The following SAXO1 variants were observed in gnomAD, a reference collection of about 807,000 sequenced individuals.
SAXO1 encodes the protein stabilizer of axonemal microtubules 1, also known as 4930500O09Rik.
In SAXO1, 21 loss-of-function variants were observed where a neutral mutation model predicts 17.5. The observed-to-expected ratio is 1.20, with a 90% CI of 0.85 to 1.72. The LOEUF is 1.72. Among genes scored for constraint, SAXO1 ranks in the 40% most tolerant of loss-of-function variants. The probability of loss-of-function intolerance (pLI) is 0.00; values close to 1 mark genes in which losing one functional copy is unlikely to be tolerated. For missense variants in SAXO1, 843 were observed against 596.0 expected, an observed-to-expected ratio of 1.41 and a Z score of -4.32; for synonymous variants, 274 against 216.5, an observed-to-expected ratio of 1.27 and a Z score of -2.33.
intron 1 of SAXO1, among the ~76,000 whole-genome samples, chr9:19,011,939 A>G (rs7048386): frequency 0.55 from 83,160 of 150,236 alleles, 23,514 homozygotes; most frequent in Non-Finnish European, 0.63. Context: ...TCTGCCTCCC[A>G]GGTTCAAGCA....
rs191924036 is a variant in SAXO1 at position 18,993,242 on chromosome 9, G to T, written c.38+39629C>A. Among the ~76,000 whole-genome samples, 4 of 152,072 alleles carry T rather than the reference G, an allele frequency of 2.6e-5. No homozygotes were observed. In the East Asian group the frequency reaches 7.7e-4, roughly 29 times the overall value. ...AGGTTTTAAGCCCCGCATGCATTAG[G>T]TATTTGTCCTAATGCTCTCCCTCCC... On this transcript the variant is annotated intron_variant, in intron 1 of 3. Transcript: ENST00000380534.
At chr9:19,048,774 G>T (rs759049574) in intron 1 of SAXO1, among the ~76,000 whole-genome samples, 6 of 152,216 alleles carry the variant, frequency 3.9e-5, no homozygotes, top group Non-Finnish European at 7.3e-5. Flanking sequence ...TGTGAGGATG[G>T]AACTAATGCC....
At chr9:18,943,539 A>T (rs1290917429) in intron 2 of SAXO1, among the ~76,000 whole-genome samples, 1 of 152,200 alleles carries the variant, frequency 6.6e-6, no homozygotes, top group Non-Finnish European at 1.5e-5. Flanking sequence ...AGAAAACTCC[A>T]TCTGAAAACC....
At position 18,929,069 on chromosome 9, in the gene SAXO1, A is replaced by T; in HGVS notation, c.422-14T>A. The T allele has an allele frequency of 6.2e-7, 1 of 1,611,250 alleles. No homozygotes were observed. Among genetic ancestry groups the T allele is most frequent in the Non-Finnish European group, 8.5e-7 (1 of 1,178,740 alleles). ...GCAAATAATCAGCTGAAATTAAAGCAGAAGAGGTAATTAATAATAAATCAA... is the reference window on the plus strand; with the variant it reads ...GCAAATAATCAGCTGAAATTAAAGCTGAAGAGGTAATTAATAATAAATCAA... On this transcript the variant is annotated splice_polypyrimidine_tract_variant and intron_variant, in intron 3 of 3. Transcript: ENST00000380534.
intron 1 of SAXO1, among the ~76,000 whole-genome samples, chr9:18,974,798 C>T (rs1255412025): frequency 6.6e-6 from 1 of 152,154 alleles, no homozygotes; most frequent in African/African-American, 2.4e-5. Context: ...TAAGCCATCA[C>T]CATTTGGCAA....
intron 1 of SAXO1, among the ~76,000 whole-genome samples, chr9:18,975,521 A>C (rs1833111463): frequency 6.6e-6 from 1 of 152,244 alleles, no homozygotes; most frequent in South Asian, 2.1e-4. Context: ...GAAGGTTTAG[A>C]GGATTTTTAA....
chr9:18,996,536 C>A (rs542400186), intron 1 of SAXO1, among the ~76,000 whole-genome samples: 5 of 152,260 alleles, frequency 3.3e-5, no homozygotes, highest in African/African-American at 9.6e-5. Flanking sequence ...CTTATGGAAC[C>A]ATCATCATAT....
In SAXO1 at chr9:19,027,125, C is replaced by T. The variant is rs773498364; in HGVS notation, c.38+5746G>A. The stretch of plus-strand genomic sequence containing the variant: ...TGGTGTACCTTGTCTCCAACATCAT[C>T]GAGCTCCTGGATGTTGATCCCAATG... On this transcript the variant is annotated intron_variant, in intron 1 of 3. Coordinates refer to ENST00000380534, the MANE Select transcript of SAXO1 (RefSeq NM_153707.4). The T allele has an allele frequency of 2.3e-4, 239 of 1,024,616 alleles. 1 individual carries two copies. Among genetic ancestry groups the T allele is most frequent in the Middle Eastern group, 1.1e-3 (5 of 4,632 alleles). 63.5% of individuals were successfully genotyped at this position (1,024,616 alleles called of 1,614,324 possible). A position where few individuals can be genotyped will look rare whatever the true frequency, so the allele number is the denominator to read the frequency against.
At chr9:18,994,556 C>A (rs1833931584) in intron 1 of SAXO1, among the ~76,000 whole-genome samples, 1 of 152,196 alleles carries the variant, frequency 6.6e-6, no homozygotes, top group Non-Finnish European at 1.5e-5. Flanking sequence ...GGTGTCACCA[C>A]TGAAGGATGT....
At chr9:18,953,692 ACCC>A (rs1832130592) in intron 1 of SAXO1, among the ~76,000 whole-genome samples, 1 of 152,134 alleles carries the variant, frequency 6.6e-6, no homozygotes, top group Admixed American at 6.6e-5. Context: ...GATCAACCCA[ACCC>A]TCATTAACCA....
chr9:18,984,305 C>T (rs1314885930), intron 1 of SAXO1, among the ~76,000 whole-genome samples: 1 of 152,234 alleles, frequency 6.6e-6, no homozygotes, highest in Non-Finnish European at 1.5e-5. Context: ...AAGTCACCAG[C>T]TACATTCGCC....
At chr9:18,987,931 C>T (rs1391486382) in intron 1 of SAXO1, among the ~76,000 whole-genome samples, 5 of 135,798 alleles carry the variant, frequency 3.7e-5, no homozygotes, top group African/African-American at 1.0e-4. Flanking sequence ...AAAAGAAAAC[C>T]AGCTCTTCCT....
intron 1 of SAXO1, among the ~76,000 whole-genome samples, chr9:19,044,554 G>A (rs1458837757): frequency 6.6e-6 from 1 of 152,166 alleles, no homozygotes; most frequent in Non-Finnish European, 1.5e-5. Flanking sequence ...AATGGTAAGT[G>A]ACTTAGCTGA....
chr9:18,985,006 T>C (rs867331756), intron 1 of SAXO1, among the ~76,000 whole-genome samples: 3 of 152,152 alleles, frequency 2.0e-5, no homozygotes, highest in Admixed American at 6.5e-5. Flanking sequence ...CTAATTTCAA[T>C]TATTTGTACT....
In SAXO1 at chr9:19,046,627, G is replaced by A. The variant is rs962507050; in HGVS notation, c.-158+2582C>T. ...TGAGGCAGAAGGATCGCTTGAACCCGGCAGGCAGAGGTTGTGGTGAGCTGA... is the reference window on the plus strand; with the variant it reads ...TGAGGCAGAAGGATCGCTTGAACCCAGCAGGCAGAGGTTGTGGTGAGCTGA... On this transcript the variant is annotated intron_variant, in intron 1 of 3. Transcript: ENST00000542071. Among the ~76,000 whole-genome samples the A allele has an allele frequency of 4.6e-5, 7 of 151,708 alleles. No individual in the cohort carries two copies. In the East Asian group the frequency reaches 9.7e-4, roughly 21 times the overall value.
chr9:18,958,696 G>C (rs778443022), intron 1 of SAXO1, among the ~76,000 whole-genome samples: 74 of 152,188 alleles, frequency 4.9e-4, no homozygotes, highest in Middle Eastern at 3.4e-3. Flanking sequence ...CAAAACGCTG[G>C]GTTAGGATGG....
chr9:19,014,896 C>A (rs7030694), intron 1 of SAXO1, among the ~76,000 whole-genome samples: 2,730 of 152,086 alleles, frequency 0.018, 77 homozygotes, highest in African/African-American at 0.06. Flanking sequence ...TAAACAAGAC[C>A]AGTGAAGAGA....
At chr9:18,953,733 C>G (rs1832131675) in intron 1 of SAXO1, among the ~76,000 whole-genome samples, 1 of 151,954 alleles carries the variant, frequency 6.6e-6, no homozygotes, top group Non-Finnish European at 1.5e-5. Context: ...AAGATCAAGT[C>G]TGACATCTTT....
intron 1 of SAXO1, among the ~76,000 whole-genome samples, chr9:19,023,662 T>C (rs192388495): frequency 9.2e-5 from 14 of 152,264 alleles, no homozygotes; most frequent in Admixed American, 9.2e-4. Flanking sequence ...AAGAATGGAA[T>C]GGAGATAATA....
Sources: allele counts gnomAD v4.1 joint callset (sites outside exome capture counted in the v4.1 genomes callset), GRCh38; gene constraint gnomAD v4.1.1; transcripts MANE v1.5; gene names NCBI Gene and HGNC (gene_info 2026-07-23, HGNC 2026-07-21).